FAAP100: variants seen among roughly 807,000 people sequenced by gnomAD.
FAAP100 encodes FA core complex associated protein 100, also known as Fanconi anemia core complex-associated protein 100.
Under a neutral mutation model 65.8 loss-of-function variants are expected in FAAP100, and 46 were observed. That is an observed-to-expected ratio of 0.70 (90% confidence interval 0.55 to 0.89). The LOEUF (loss-of-function observed/expected upper bound fraction) is 0.89. Ranked by LOEUF, FAAP100 falls within the 40% of genes least tolerant of loss-of-function variation. FAAP100 has a pLI of 0.00. For synonymous variants in FAAP100, 663 were observed against 555.1 expected (o/e 1.19, Z -2.73); for missense variants, 1,165 against 1,196.7 (o/e 0.97, Z 0.39).
At chr17:81,550,171 G>A (rs895163279) in intron 3 of FAAP100, 77 bp downstream of exon 3, 67 of 1,336,264 alleles carry the variant, frequency 5.0e-5, no homozygotes, top group East Asian at 1.9e-4. Context: ...AAAGGAAGGC[G>A]GCCTGATAGT....
At position 81,550,439 on chromosome 17, in the gene FAAP100, C is replaced by T. The variant is rs2033449500; in HGVS notation, c.1055G>A (p.Cys352Tyr). 2 of 1,612,566 alleles carry T rather than the reference C, an allele frequency of 1.2e-6. No homozygotes were observed. Among genetic ancestry groups the T allele is most frequent in the Admixed American group, 1.7e-5 (1 of 60,004 alleles). Residue 352 changes from cysteine to tyrosine, a missense_variant, in exon 3 of 9, where the codon TGT becomes TAT. Coordinates refer to ENST00000327787, the MANE Select transcript of FAAP100 (RefSeq NM_025161.6). ...GTGGTACACGCGGCCACCCCCGCCA[C>T]AGGCAGCGCAGAGCACAGGGCCTGG... ...CLPGPVLCAA[C>Y]GGGGRVYHST...
Position 81,551,070 on chromosome 17 carries a change from T to G in FAAP100, c.424A>C (p.Thr142Pro). The G allele has an allele frequency of 6.3e-7, 1 of 1,588,284 alleles. No homozygotes were observed. Among genetic ancestry groups the G allele is most frequent in the South Asian group, 1.1e-5 (1 of 87,644 alleles). ...CATCGGGCAGGGCCCTGCACCAGGG[T>G]GACCAGCACACTGTCCAGCAAGGTG... ...AFTLLDSVLV[T>P]LVQGPARWKM... Residue 142 changes from threonine to proline, a missense_variant, in exon 3 of 9, where the codon ACC (threonine) becomes CCC (proline). Thr to Pro is a conservative substitution (Grantham distance 38). Coordinates refer to ENST00000327787, the MANE Select transcript of FAAP100 (RefSeq NM_025161.6).
intron 7 of FAAP100, 125 bp downstream of exon 7, chr17:81,543,879 G>A (rs2033202313): frequency 1.6e-5 from 14 of 877,906 alleles, no homozygotes; most frequent in Non-Finnish European, 2.5e-5. Flanking sequence ...GAGCAGACTT[G>A]GATCTTCCTA....
intron 3 of FAAP100, 36 bp downstream of exon 3, chr17:81,550,212 G>A: frequency 2.0e-6 from 3 of 1,538,236 alleles, no homozygotes; most frequent in Non-Finnish European, 2.6e-6. Context: ...GCTCCACCCT[G>A]GGCTCCCATC....
intron 3 of FAAP100, among the ~76,000 whole-genome samples, 176 bp from the exon 4 acceptor site, chr17:81,549,538 G>C (rs2033420332): frequency 6.6e-6 from 1 of 152,244 alleles, no homozygotes; most frequent in East Asian, 1.9e-4. Context: ...GCTTCTGTCA[G>C]TGGCCCCGAG....
chr17:81,545,432 C>T (rs1338444136), intron 6 of FAAP100, among the ~76,000 whole-genome samples: 1 of 152,226 alleles, frequency 6.6e-6, no homozygotes, highest in African/African-American at 2.4e-5. Flanking sequence ...GGGGCTGCTG[C>T]TCCTGGGGTA....
chr17:81,542,797 G>A (rs1487099498), intron 7 of FAAP100, among the ~76,000 whole-genome samples: 1 of 152,244 alleles, frequency 6.6e-6, no homozygotes, highest in Non-Finnish European at 1.5e-5. Flanking sequence ...CTGTGTCCTT[G>A]TAAGAAAAGG....
At position 81,544,178 on chromosome 17, in the gene FAAP100, C is replaced by T. The variant is rs867139987; in HGVS notation, c.2311-58G>A. 1.9e-5 allele frequency: 27 copies of T among 1,424,898 alleles called. No individual in the cohort carries two copies. In the Middle Eastern group the frequency reaches 1.6e-3, roughly 86 times the overall value. 88.3% of individuals were successfully genotyped at this position (1,424,898 alleles called of 1,614,324 possible). On this transcript the variant is annotated intron_variant, in intron 6 of 8. Coordinates refer to ENST00000327787, the MANE Select transcript of FAAP100 (RefSeq NM_025161.6). Reference sequence around the variant, plus strand: ...GTGGCACTCCCACCTGCCCGGGGGGCTCAGGCTACACAGGAGCCTCCCCAG... The same window carrying T: ...GTGGCACTCCCACCTGCCCGGGGGGTTCAGGCTACACAGGAGCCTCCCCAG...
At chr17:81,543,919 G>A (rs577430054) in intron 7 of FAAP100, 85 bp downstream of exon 7, 113 of 1,275,188 alleles carry the variant, frequency 8.9e-5, no homozygotes, top group East Asian at 4.0e-4. Context: ...CGCAGACCCC[G>A]TGGCCAGCAG....
At chr17:81,549,068 AAAAAAG>A in intron 4 of FAAP100, 132 bp downstream of exon 4, 2 of 474,168 alleles carry the variant, frequency 4.2e-6, no homozygotes, top group South Asian at 4.0e-5. Context: ...AAAAAAAAAA[AAAAAAG>A]AGGCCAAGTA....
At chr17:81,547,726 AC>A in intron 4 of FAAP100, 48 bp from the exon 5 acceptor site, 1 of 1,585,776 alleles carries the variant, frequency 6.3e-7, no homozygotes, top group Non-Finnish European at 8.6e-7. Flanking sequence ...CACCCACAGC[AC>A]CAGGTGCCAC....
At position 81,550,496 on chromosome 17, in the gene FAAP100, T is replaced by G. The variant is rs763497527; in HGVS notation, c.998A>C (p.Lys333Thr). 1 of 1,612,756 alleles carries G rather than the reference T, an allele frequency of 6.2e-7. No homozygotes were observed. The highest frequency in any genetic ancestry group is 2.2e-5 in the East Asian group (1 of 44,882). The change falls in exon 3 of 9, where the codon AAG becomes ACG. Residue 333 changes from lysine (K) to threonine (T), a missense_variant. Physicochemically the swap from Lys to Thr is moderately conservative, Grantham distance 78 (BLOSUM62 -1). Transcript: ENST00000327787. ...GTACTCCCGCAGCTCGGGCACCAGC[T>G]TCCCGGACTCATCCCAGCTGGCCTT... ...AIKASWDESG[K>T]LVPELREYCL...
At position 81,549,212 on chromosome 17, in the gene FAAP100, G is replaced by A. The variant is rs772573819; in HGVS notation, c.1397C>T (p.Ser466Phe). 8 of 1,612,226 alleles carry A rather than the reference G, an allele frequency of 5.0e-6. No individual in the cohort carries two copies. The highest frequency in any genetic ancestry group is 6.8e-6 in the Non-Finnish European group (8 of 1,179,964). The change falls in exon 4 of 9, where the codon TCT (serine) becomes TTT (phenylalanine). Residue 466 changes from serine to phenylalanine, a missense_variant. Ser to Phe is a radical substitution (Grantham distance 155, BLOSUM62 -2). Transcript: ENST00000327787. Reference sequence around the variant, plus strand: ...TCCGAGCTGAGCTGCTCACCTCTCAGAGATGTTGCCAATTCCAGACAGCAG... The same window carrying A: ...TCCGAGCTGAGCTGCTCACCTCTCAAAGATGTTGCCAATTCCAGACAGCAG... ...KELLSGIGNI[S>F]ERVSFLKKAV... is the part of the protein sequence containing the mutation.
rs2049838006 is a variant in FAAP100 at position 81,542,202 on chromosome 17, TATATATATATATA to T, written c.2428-820_2428-808del. On this transcript the variant is annotated intron_variant, in intron 7 of 8. Coordinates refer to ENST00000327787, the MANE Select transcript of FAAP100 (RefSeq NM_025161.6). ...AAAAAAAAAAAAAAAAAAAAAAAAATATATATATATATATATATATATATATATATATGAAATC... is the reference window on the plus strand; with the variant it reads ...AAAAAAAAAAAAAAAAAAAAAAAAATTATATATATATATATATATGAAATC... Among the ~76,000 whole-genome samples, 5 of 10,730 alleles carry T rather than the reference TATATATATATATA, an allele frequency of 4.7e-4. 1 individual carries two copies. In the South Asian group the frequency reaches 0.034, roughly 73 times the overall value. 7.0% of individuals were successfully genotyped at this position (10,730 alleles called of 152,430 possible). A position where few individuals can be genotyped will look rare whatever the true frequency, so the allele number is the denominator to read the frequency against.
chr17:81,550,640 A>G lies in FAAP100; in HGVS notation c.854T>C (p.Ile285Thr), dbSNP rs776411018. The G allele has an allele frequency of 3.7e-6, 6 of 1,613,022 alleles. No individual in the cohort carries two copies. The highest frequency in any genetic ancestry group is 2.2e-5 in the East Asian group (1 of 44,880). ...LHHLEEPVIFIGALKTEPQAA... is the reference protein window; with the variant it reads ...LHHLEEPVIFTGALKTEPQAA... ...CTGTGGCTCTGTCTTCAAGGCCCCT[A>G]TGAAGATGACGGGCTCCTCCAGGTG... The change falls in exon 3 of 9, where the codon ATA (isoleucine) becomes ACA (threonine). Residue 285 changes from isoleucine (I) to threonine (T), a missense_variant. Transcript: ENST00000327787.
Position 81,550,898 on chromosome 17 carries a change from G to A in FAAP100, c.596C>T (p.Ser199Phe), listed in dbSNP as rs757866728. ...GACCCTGGAGCCTGATGGTGACACA[G>A]AGCACAGCACTGGAAGGAAGTGGGG... ...AAPHFLPVLC[S>F]VSPSGSRVPH... The change falls in exon 3 of 9, where the codon TCT (serine) becomes TTT (phenylalanine). Residue 199 changes from serine to phenylalanine, a missense_variant. Physicochemically the swap from Ser to Phe is radical, Grantham distance 155. Coordinates refer to ENST00000327787, the MANE Select transcript of FAAP100 (RefSeq NM_025161.6). 1.2e-6 allele frequency: 2 copies of A among 1,612,584 alleles called. No homozygotes were observed. Among genetic ancestry groups the A allele is most frequent in the Non-Finnish European group, 1.7e-6 (2 of 1,179,842 alleles).
At chr17:81,549,691 G>C (rs2033424359) in intron 3 of FAAP100, among the ~76,000 whole-genome samples, 1 of 152,214 alleles carries the variant, frequency 6.6e-6, no homozygotes, top group Non-Finnish European at 1.5e-5. Context: ...GAGCACACTT[G>C]GGGAAGTGCA....
Position 81,540,761 on chromosome 17 carries a change from G to C in FAAP100, c.*58C>G, listed in dbSNP as rs1031218085. On this transcript the variant is annotated 3_prime_UTR_variant, in exon 9 of 9. Transcript: ENST00000327787. ...GGTTTCCCTCTAACCCATGAGGCCT[G>C]GGGGGGCTGTGACAGAGGCTGGAAG... 4.1e-6 allele frequency: 6 copies of C among 1,451,828 alleles called. No individual in the cohort carries two copies. In the Admixed American group the frequency reaches 9.8e-5, roughly 24 times the overall value. 89.9% of individuals were successfully genotyped at this position (1,451,828 alleles called of 1,614,324 possible). A position where few individuals can be genotyped will look rare whatever the true frequency, so the allele number is the denominator to read the frequency against.
chr17:81,547,721 A>G, intron 4 of FAAP100, 43 bp from the exon 5 acceptor site: 1 of 1,593,366 alleles, frequency 6.3e-7, no homozygotes, highest in Non-Finnish European at 8.6e-7. Context: ...GGGGACACCC[A>G]CAGCACCAGG....
Sources: allele counts gnomAD v4.1 joint callset (sites outside exome capture counted in the v4.1 genomes callset), GRCh38; gene constraint gnomAD v4.1.1; transcripts MANE v1.5; gene names NCBI Gene and HGNC (gene_info 2026-07-23, HGNC 2026-07-21).